The following C9orf72 variants were observed in gnomAD, a reference collection of about 807,000 sequenced individuals.
The protein encoded by C9orf72 is C9orf72-SMCR8 complex subunit, also known as guanine nucleotide exchange factor C9orf72.
In C9orf72, 44 loss-of-function variants were observed where a neutral mutation model predicts 51.6. The observed-to-expected ratio is 0.85, with a 90% confidence interval of 0.67 to 1.10. The LOEUF is 1.10. Ranked by LOEUF, C9orf72 falls within the 50% of genes least tolerant of loss-of-function variation. C9orf72 has a pLI of 0.00. For missense variants in C9orf72, 607 were observed against 570.6 expected (o/e 1.06, Z -0.65); for synonymous variants, 213 against 194.2 (o/e 1.10, Z -0.81).
intron 1 of C9orf72, among the ~76,000 whole-genome samples, chr9:27,572,252 T>C (rs1255202949): frequency 6.6e-6 from 1 of 152,202 alleles, no homozygotes; most frequent in South Asian, 2.1e-4. Flanking sequence ...ACTATCAGCA[T>C]GTAGCAGTTT....
At chr9:27,552,515 AT>A (rs71492751) in intron 8 of C9orf72, among the ~76,000 whole-genome samples, 17,332 of 105,146 alleles carry the variant, frequency 0.16, 921 homozygotes, top group East Asian at 0.3. Context: ...TACCAAGCTA[AT>A]TTTTTTTTTT....
chr9:27,568,726 C>G (rs938165890), intron 1 of C9orf72, among the ~76,000 whole-genome samples: 1 of 152,156 alleles, frequency 6.6e-6, no homozygotes, highest in Non-Finnish European at 1.5e-5. Context: ...TAAAGTATAG[C>G]ACATACAATT....
At chr9:27,567,603 C>T (rs1210944908) in intron 1 of C9orf72, among the ~76,000 whole-genome samples, 2 of 152,154 alleles carry the variant, frequency 1.3e-5, no homozygotes, top group African/African-American at 2.4e-5. Flanking sequence ...GAGACTGACA[C>T]TTGTGGGTTG....
Position 27,548,585 on chromosome 9 carries a change from T to C in C9orf72, c.1231A>G (p.Thr411Ala). Residue 411 changes from threonine (T) to alanine (A), a missense_variant, in exon 10 of 11, where the codon ACA becomes GCA. Transcript: ENST00000380003. ...FLLVLHRKALTLIKYIEDDTQ... is the reference protein window; with the variant it reads ...FLLVLHRKALALIKYIEDDTQ... ...TCGTCTTCTATATATTTTATTAGTG[T>C]CAAGGCTTTTCTGTGAAGGACAAGT... The C allele has an allele frequency of 6.2e-7, 1 of 1,607,440 alleles. No individual in the cohort carries two copies. Among genetic ancestry groups the C allele is most frequent in the Non-Finnish European group, 8.5e-7 (1 of 1,174,020 alleles).
intron 1 of C9orf72, among the ~76,000 whole-genome samples, chr9:27,570,760 G>A (rs1367880202): frequency 9.2e-5 from 14 of 152,150 alleles, no homozygotes; most frequent in African/African-American, 2.7e-4. Flanking sequence ...CCAGCTACTC[G>A]GGAGGCTGAG....
chr9:27,553,747 C>A (rs1451582504), intron 8 of C9orf72, among the ~76,000 whole-genome samples: 2 of 152,072 alleles, frequency 1.3e-5, no homozygotes, highest in Non-Finnish European at 2.9e-5. Flanking sequence ...AAACTATCAA[C>A]AGAGTAAAAG....
intron 8 of C9orf72, among the ~76,000 whole-genome samples, chr9:27,555,770 C>A (rs1478378461): frequency 6.6e-6 from 1 of 151,702 alleles, no homozygotes; most frequent in Non-Finnish European, 1.5e-5. Flanking sequence ...ACTATGTTGC[C>A]CAGGCTGGTC....
rs761714602 is a variant in C9orf72 at position 27,565,515 on chromosome 9, T to C, written c.504+16A>G. On this transcript the variant is annotated intron_variant, in intron 3 of 10. Transcript: ENST00000380003. ...GCTGTGAGAAAAACATTTGACAGTA[T>C]GCAATTTGCATATACCTGATCTTCC... 6 of 1,539,866 alleles carry C rather than the reference T, an allele frequency of 3.9e-6. No homozygotes were observed. Among genetic ancestry groups the C allele is most frequent in the South Asian group, 1.1e-5 (1 of 89,030 alleles).
At chr9:27,563,649 C>T (rs1277145648) in intron 3 of C9orf72, among the ~76,000 whole-genome samples, 2 of 151,986 alleles carry the variant, frequency 1.3e-5, no homozygotes, top group African/African-American at 2.4e-5. Flanking sequence ...TTTTCAGAGC[C>T]CCATATTATT....
At chr9:27,557,328 A>G (rs1819224303) in intron 7 of C9orf72, among the ~76,000 whole-genome samples, 1 of 152,138 alleles carries the variant, frequency 6.6e-6, no homozygotes, top group South Asian at 2.1e-4. Flanking sequence ...CTTCTTTCCT[A>G]ATCAGTTGGG....
chr9:27,561,266 T>G (rs1282850002), intron 5 of C9orf72: 3 of 1,102,056 alleles, frequency 2.7e-6, no homozygotes, highest in Middle Eastern at 4.1e-4. Context: ...TAAGTTCATC[T>G]ACAGTACAAC....
In C9orf72 at chr9:27,550,707, C is replaced by G. The variant is rs1820888545; in HGVS notation, c.1092G>C (p.Leu364Phe). ...IYTDESFTPD[L>F]NIFQDVLHRD... ...TGTGTAAGACATCTTGAAAAATATT[C>G]CTGAAGAAAAGAAGAAAATGAAGAA... Residue 364 changes from leucine to phenylalanine, a missense_variant and splice_region_variant, in exon 9 of 11, where the codon TTG becomes TTC. Physicochemically the swap from Leu to Phe is conservative, Grantham distance 22. Transcript: ENST00000380003. 3 of 1,563,316 alleles carry G rather than the reference C, an allele frequency of 1.9e-6. No individual in the cohort carries two copies. The highest frequency in any genetic ancestry group is 2.6e-6 in the Non-Finnish European group (3 of 1,146,468).
rs1819473964 is a variant in C9orf72, at chr9:27,566,707, T to C, written c.414A>G (p.Ile138Met). ...HRVCVDRLTH[I>M]IRKGRIWMHK... ...GCATCCATATTCTTCCTTTCCGGAT[T>C]ATATGTGTTAATCTATCAACACACA... The change falls in exon 2 of 11, where the codon ATA becomes ATG. Residue 138 changes from isoleucine to methionine, a missense_variant. Physicochemically the swap from Ile to Met is conservative, Grantham distance 10. Coordinates refer to ENST00000380003, the MANE Select transcript of C9orf72 (RefSeq NM_018325.5). The C allele has an allele frequency of 8.7e-6, 14 of 1,608,642 alleles. No homozygotes were observed. The highest frequency in any genetic ancestry group is 1.2e-5 in the Non-Finnish European group (14 of 1,176,620).
intron 4 of C9orf72, 28 bp from the exon 5 acceptor site, chr9:27,561,677 T>A (rs1369944696): frequency 7.0e-7 from 1 of 1,427,680 alleles, no homozygotes. Flanking sequence ...ATAAAAAAAT[T>A]AGTCTGGCTG....
intron 9 of C9orf72, among the ~76,000 whole-genome samples, chr9:27,548,978 G>A (rs1820847130): frequency 6.6e-6 from 1 of 152,068 alleles, no homozygotes; most frequent in African/African-American, 2.4e-5. Context: ...CCAGGTAGCT[G>A]GGATTACAGG....
At chr9:27,555,141 A>C (rs967320881) in intron 8 of C9orf72, among the ~76,000 whole-genome samples, 2 of 152,224 alleles carry the variant, frequency 1.3e-5, no homozygotes, top group Non-Finnish European at 2.9e-5. Context: ...GCACAGATTA[A>C]TTAGAAAACT....
Position 27,559,959 on chromosome 9 carries a change from T to C in C9orf72, c.738+268A>G, listed in dbSNP as rs548820893. 8.3e-5 allele frequency: 15 copies of C among 181,656 alleles called. No homozygotes were observed. In the South Asian group the frequency reaches 2.0e-3, roughly 25 times the overall value. 11.3% of individuals were successfully genotyped at this position (181,656 alleles called of 1,614,324 possible). A position where few individuals can be genotyped will look rare whatever the true frequency, so the allele number is the denominator to read the frequency against. On this transcript the variant is annotated intron_variant, in intron 6 of 10. Transcript: ENST00000380003. ...GGAAATAGAAGAGTAATTTTTTTTA[T>C]ATATCTGATTTTAATATATTCTCAA...
intron 8 of C9orf72, among the ~76,000 whole-genome samples, chr9:27,552,208 C>T (rs1563899412): frequency 6.6e-6 from 1 of 152,170 alleles, no homozygotes; most frequent in African/African-American, 2.4e-5. Context: ...TGAGAGTGGA[C>T]ATCCTTGTCT....
intron 1 of C9orf72, among the ~76,000 whole-genome samples, chr9:27,571,727 C>G (rs1819590252): frequency 6.6e-6 from 1 of 152,198 alleles, no homozygotes; most frequent in Admixed American, 6.5e-5. Flanking sequence ...TCTGGCATTA[C>G]AGGTGTAAGC....
Sources: gnomAD v4.1 joint callset for allele counts (sites outside exome capture counted in the v4.1 genomes callset) on GRCh38, gnomAD v4.1.1 for gene constraint, MANE v1.5 for transcripts, NCBI Gene and HGNC (gene_info 2026-07-23, HGNC 2026-07-21) for gene names.